MAP6D1: variants seen among roughly 807,000 people sequenced by gnomAD.
The protein encoded by MAP6D1 is MAP6 domain containing 1.
Under a neutral mutation model 17.4 loss-of-function variants are expected in MAP6D1, and 13 were observed. The observed-to-expected ratio is 0.75, with a 90% confidence interval of 0.49 to 1.19. The LOEUF (loss-of-function observed/expected upper bound fraction) is 1.19, where lower values mean the gene tolerates loss of function less well. MAP6D1 is among the 50% of genes most tolerant of loss of function. The pLI is 0.00. For missense variants in MAP6D1, 313 were observed against 312.6 expected (o/e 1.00, Z -0.01); for synonymous variants, 141 against 145.7 (o/e 0.97, Z 0.23).
chr3:183,825,040 G>T, intron 1 of MAP6D1, 107 bp downstream of exon 1: 1 of 1,170,044 alleles, frequency 8.5e-7, no homozygotes, highest in South Asian at 3.5e-5. Flanking sequence ...TGGGATCCGG[G>T]CTCCAGGCGC....
rs377733001 is a variant in MAP6D1 at position 183,820,975 on chromosome 3, G to A, written c.402-2864C>T. The stretch of plus-strand genomic sequence containing the variant: ...CTGGGTGTGGTGGTGGGCGCCTGTA[G>A]TCCCAGCTACTCTGGAGGCTGAGGC... On this transcript the variant is annotated intron_variant, in intron 1 of 2. Coordinates refer to ENST00000318631, the MANE Select transcript of MAP6D1 (RefSeq NM_024871.4). Among the ~76,000 whole-genome samples, 13 of 151,610 alleles carry A rather than the reference G, an allele frequency of 8.6e-5. 1 individual carries two copies. Among genetic ancestry groups the A allele is most frequent in the East Asian group, 5.8e-4 (3 of 5,146 alleles).
chr3:183,825,363 C>A lies in MAP6D1; in HGVS notation c.185G>T (p.Arg62Leu). ...CTGGTACTGAGTGAGCGGCACGTCCCGGCCGGAATCCCGGGCGCCCGCGGG... is the reference window on the plus strand; with the variant it reads ...CTGGTACTGAGTGAGCGGCACGTCCAGGCCGGAATCCCGGGCGCCCGCGGG... Reference protein sequence around the residue: ...QPPAGARDSGRDVPLTQYQRD... With the variant: ...QPPAGARDSGLDVPLTQYQRD... Residue 62 changes from arginine (R) to leucine (L), a missense_variant, in exon 1 of 3, where the codon CGG becomes CTG. Physicochemically the swap from Arg to Leu is moderately radical, Grantham distance 102. Transcript: ENST00000318631. The A allele has an allele frequency of 6.9e-7, 1 of 1,441,324 alleles. No homozygotes were observed. Among genetic ancestry groups the A allele is most frequent in the South Asian group, 1.4e-5 (1 of 71,502 alleles). The allele number at this position is 1,441,324 out of a possible 1,614,324, so 89.3% of individuals were successfully genotyped here. A position where few individuals can be genotyped will look rare whatever the true frequency, so the allele number is the denominator to read the frequency against.
Position 183,817,338 on chromosome 3 carries a change from G to A in MAP6D1, c.*18C>T. ...CAGCCCTGTCCTGTCGGCAGCCATG[G>A]TGTCACGGTGCAGGCAGTCACACGT... On this transcript the variant is annotated 3_prime_UTR_variant, in exon 3 of 3. Transcript: ENST00000318631. The A allele has an allele frequency of 6.4e-7, 1 of 1,557,692 alleles. No individual in the cohort carries two copies. Among genetic ancestry groups the A allele is most frequent in the South Asian group, 1.2e-5 (1 of 84,410 alleles).
rs1336494407 is a variant in MAP6D1 at position 183,825,485 on chromosome 3, G to A, written c.63C>T (p.Arg21=). ...CLARRWNQLD[R]SDVAVPLTLH... Reference sequence around the variant, plus strand: ...GAGTGAGCGGCACCGCCACGTCGGAGCGGTCCAGCTGGTTCCAGCGCCGCG... The same window carrying A: ...GAGTGAGCGGCACCGCCACGTCGGAACGGTCCAGCTGGTTCCAGCGCCGCG... The change falls in exon 1 of 3, where the codon CGC becomes CGT. Residue 21 remains arginine (R), a synonymous_variant. Coordinates refer to ENST00000318631, the MANE Select transcript of MAP6D1 (RefSeq NM_024871.4). 2.1e-6 allele frequency: 3 copies of A among 1,428,194 alleles called. No individual in the cohort carries two copies. In the South Asian group the frequency reaches 4.2e-5, roughly 20 times the overall value. The allele number at this position is 1,428,194 out of a possible 1,614,324, so 88.5% of individuals were successfully genotyped here. A position where few individuals can be genotyped will look rare whatever the true frequency, so the allele number is the denominator to read the frequency against.
chr3:183,822,859 C>G (rs1332774789), intron 1 of MAP6D1, among the ~76,000 whole-genome samples: 1 of 152,230 alleles, frequency 6.6e-6, no homozygotes, highest in African/African-American at 2.4e-5. Context: ...CAGAGCAGGG[C>G]AAGGGGTGGA....
rs780142501 is a variant in MAP6D1 at position 183,817,986 on chromosome 3, C to T, written c.519+8G>A. 111 of 1,610,078 alleles carry T rather than the reference C, an allele frequency of 6.9e-5. 1 individual carries two copies. The Admixed American group carries it at 1.2e-3, about 17-fold the overall frequency. Reference sequence around the variant, plus strand: ...CCCACACCCCTGCTACACCAGCTTCCGGCTGACCTGGAAGCCGGCCCCAGG... The same window carrying T: ...CCCACACCCCTGCTACACCAGCTTCTGGCTGACCTGGAAGCCGGCCCCAGG... On this transcript the variant is annotated splice_region_variant and intron_variant, in intron 2 of 2. Coordinates refer to ENST00000318631, the MANE Select transcript of MAP6D1 (RefSeq NM_024871.4).
chr3:183,818,668 G>T (rs1727176816), intron 1 of MAP6D1, among the ~76,000 whole-genome samples: 1 of 152,208 alleles, frequency 6.6e-6, no homozygotes, highest in South Asian at 2.1e-4. Context: ...AGACTGAAAA[G>T]AAAAATAAGG....
At chr3:183,817,521 C>A in intron 2 of MAP6D1, 85 bp from the exon 3 acceptor site, 2 of 1,219,952 alleles carry the variant, frequency 1.6e-6, no homozygotes, top group South Asian at 2.9e-5. Flanking sequence ...AGGAAAAAAT[C>A]CCCTCCCATC....
At position 183,825,473 on chromosome 3, in the gene MAP6D1, C is replaced by T. The variant is rs1488204941; in HGVS notation, c.75G>A (p.Ala25=). ...AGTAGCCGTGCAGAGTGAGCGGCAC[C>T]GCCACGTCGGAGCGGTCCAGCTGGT... ...RWNQLDRSDV[A]VPLTLHGYSD... The change falls in exon 1 of 3, where the codon GCG becomes GCA. Residue 25 remains alanine, a synonymous_variant. Coordinates refer to ENST00000318631, the MANE Select transcript of MAP6D1 (RefSeq NM_024871.4). 2.1e-6 allele frequency: 3 copies of T among 1,432,796 alleles called. No homozygotes were observed. The highest frequency in any genetic ancestry group is 1.5e-5 in the African/African-American group (1 of 67,154). 88.8% of individuals were successfully genotyped at this position (1,432,796 alleles called of 1,614,324 possible). A position where few individuals can be genotyped will look rare whatever the true frequency, so the allele number is the denominator to read the frequency against.
chr3:183,825,228 GGCGCGGAGGACT>G lies in MAP6D1; in HGVS notation c.308_319del (p.Gln103_Ala106del), dbSNP rs1232473990. The G allele has an allele frequency of 4.2e-6, 6 of 1,422,410 alleles. No homozygotes were observed. Among genetic ancestry groups the G allele is most frequent in the East Asian group, 6.1e-5 (2 of 32,844 alleles). 88.1% of individuals were successfully genotyped at this position (1,422,410 alleles called of 1,614,324 possible). On this transcript the variant is annotated inframe_deletion, in exon 1 of 3. Transcript: ENST00000318631. ...GACCCCGCGGGCGCCGGGCGCAGGTGGCGCGGAGGACTGCGCGGAGGATTTGCCCCTGCGGCC... is the reference window on the plus strand; with the variant it reads ...GACCCCGCGGGCGCCGGGCGCAGGTGGCGCGGAGGATTTGCCCCTGCGGCC...
chr3:183,821,538 T>C (rs1050062411), intron 1 of MAP6D1, among the ~76,000 whole-genome samples: 1 of 139,880 alleles, frequency 7.1e-6, no homozygotes, highest in Non-Finnish European at 1.5e-5. Flanking sequence ...AGATGAGGGA[T>C]TGCTTTTTTT....
intron 1 of MAP6D1, 120 bp from the exon 2 acceptor site, chr3:183,818,231 G>C: frequency 1.3e-6 from 1 of 793,148 alleles, no homozygotes; most frequent in Non-Finnish European, 2.1e-6. Context: ...CTCGGCTCCA[G>C]GCAGTCCTCA....
rs1042397257 is a variant in MAP6D1 at position 183,825,340 on chromosome 3, G to A, written c.208C>T (p.Gln70Ter). Residue 70 changes from glutamine (Q) to a stop codon, truncating the protein, a stop_gained, in exon 1 of 3, where the codon CAG becomes TAG. Transcript: ENST00000318631. LOFTEE classifies it high-confidence loss of function. ...SGRDVPLTQY[Q>*]RDFGLWTTPA... ...GTGGTCCACAAGCCGAAGTCCCGCT[G>A]GTACTGAGTGAGCGGCACGTCCCGG... is the stretch of plus-strand genomic sequence containing the variant. 1 of 1,430,606 alleles carries A rather than the reference G, an allele frequency of 7.0e-7. No homozygotes were observed. 88.6% of individuals were successfully genotyped at this position (1,430,606 alleles called of 1,614,324 possible).
intron 2 of MAP6D1, 85 bp from the exon 3 acceptor site, chr3:183,817,521 C>T (rs751359302): frequency 5.0e-5 from 61 of 1,219,834 alleles, no homozygotes; most frequent in Admixed American, 1.1e-4. Flanking sequence ...AGGAAAAAAT[C>T]CCCTCCCATC....
intron 1 of MAP6D1, among the ~76,000 whole-genome samples, chr3:183,819,799 CTGCTGACCCAT>C (rs1727204207): frequency 2.0e-5 from 3 of 152,358 alleles, no homozygotes; most frequent in Non-Finnish European, 4.4e-5. Flanking sequence ...AAAAGTGGGG[CTGCTGACCCAT>C]GTGCCTGAGG....
At chr3:183,822,951 T>G (rs149263041) in intron 1 of MAP6D1, among the ~76,000 whole-genome samples, 30 of 152,326 alleles carry the variant, frequency 2.0e-4, no homozygotes, top group African/African-American at 7.0e-4. Flanking sequence ...CGAGCTGACT[T>G]GCATGGCGCT....
chr3:183,819,513 G>A (rs938125826), intron 1 of MAP6D1, among the ~76,000 whole-genome samples: 4 of 152,216 alleles, frequency 2.6e-5, no homozygotes, highest in Non-Finnish European at 4.4e-5. Flanking sequence ...CCTGGCGGCC[G>A]CCAGAGGAGG....
rs763296244 is a variant in MAP6D1 at position 183,818,097 on chromosome 3, G to A, written c.416C>T (p.Ala139Val). The part of the protein sequence containing the change: ...VTTSYRQEFQ[A>V]WTGVKPSRST... Reference sequence around the variant, plus strand: ...TCTTGAGGGCTTCACTCCAGTCCAAGCCTGGAATTCCTGTCTGGAACAGAG... The same window carrying A: ...TCTTGAGGGCTTCACTCCAGTCCAAACCTGGAATTCCTGTCTGGAACAGAG... The change falls in exon 2 of 3, where the codon GCT (alanine) becomes GTT (valine). Residue 139 changes from alanine to valine, a missense_variant. By Grantham distance (64) the Ala-to-Val change is moderately conservative. Coordinates refer to ENST00000318631, the MANE Select transcript of MAP6D1 (RefSeq NM_024871.4). 2.1e-5 allele frequency: 34 copies of A among 1,613,956 alleles called. No individual in the cohort carries two copies. The highest frequency in any genetic ancestry group is 2.7e-5 in the Non-Finnish European group (32 of 1,179,954).
rs1727126735 is a variant in MAP6D1, at chr3:183,817,037, G to T, written c.*319C>A. 2 of 368,828 alleles carry T rather than the reference G, an allele frequency of 5.4e-6. No individual in the cohort carries two copies. Among genetic ancestry groups the T allele is most frequent in the African/African-American group, 2.1e-5 (1 of 47,356 alleles). The allele number at this position is 368,828 out of a possible 1,614,324, so 22.8% of individuals were successfully genotyped here. A position where few individuals can be genotyped will look rare whatever the true frequency, so the allele number is the denominator to read the frequency against. The stretch of plus-strand genomic sequence containing the variant: ...TGTGTCCACATTCCTCAGCTTCCAT[G>T]GACCAATTCGGTTCCCAACTGACTT... On this transcript the variant is annotated 3_prime_UTR_variant, in exon 3 of 3. Transcript: ENST00000318631.
Sources: allele counts gnomAD v4.1 joint callset (sites outside exome capture counted in the v4.1 genomes callset), GRCh38; gene constraint gnomAD v4.1.1; transcripts MANE v1.5; gene names NCBI Gene and HGNC (gene_info 2026-07-23, HGNC 2026-07-21).